Variants in PRKG1 observed in about 807,000 individuals in gnomAD.
The protein encoded by PRKG1 is cGMP-dependent protein kinase 1.
A neutral mutation model predicts 88.1 loss-of-function variants in PRKG1; 35 were observed. The observed-to-expected ratio is 0.40, with a 90% confidence interval of 0.30 to 0.53. PRKG1 has a LOEUF of 0.53. PRKG1 is among the 20% of genes least tolerant of loss of function. PRKG1 has a pLI of 0.59. For synonymous variants in PRKG1, 303 were observed against 292.5 expected, an observed-to-expected ratio of 1.04 and a Z score of -0.37; for missense variants, 540 against 839.8, an observed-to-expected ratio of 0.64 and a Z score of 4.41.
chr10:51,853,847 C>A (rs571736230), intron 4 of PRKG1, among the ~76,000 whole-genome samples: 1 of 152,218 alleles, frequency 6.6e-6, no homozygotes, highest in South Asian at 2.1e-4. Context: ...GTTATCTAAT[C>A]ACACACTGGA....
intron 9 of PRKG1, among the ~76,000 whole-genome samples, chr10:52,174,421 C>T (rs1421213022): frequency 6.6e-6 from 1 of 151,844 alleles, no homozygotes; most frequent in Non-Finnish European, 1.5e-5. Context: ...TATTAATATT[C>T]TCTTCTGCAC....
chr10:52,053,905 A>G (rs1050565832), intron 5 of PRKG1, among the ~76,000 whole-genome samples: 11 of 152,226 alleles, frequency 7.2e-5, no homozygotes, highest in African/African-American at 2.7e-4. Flanking sequence ...CGTCTAACCC[A>G]CAATAAAAAT....
intron 3 of PRKG1, among the ~76,000 whole-genome samples, chr10:51,639,695 A>G (rs1201200748): frequency 6.6e-6 from 1 of 151,148 alleles, no homozygotes; most frequent in Non-Finnish European, 1.5e-5. Flanking sequence ...ACAGATTTAT[A>G]TATAAATTAT....
intron 4 of PRKG1, among the ~76,000 whole-genome samples, chr10:51,899,671 GTATATATATATA>G (rs57320165): frequency 3.3e-5 from 4 of 120,408 alleles, no homozygotes; most frequent in Non-Finnish European, 7.0e-5. Context: ...AAAGAAAAAT[GTATATATATATA>G]TATATATATA....
chr10:52,090,369 C>T (rs1001474353), intron 7 of PRKG1, among the ~76,000 whole-genome samples: 17 of 151,522 alleles, frequency 1.1e-4, no homozygotes, highest in African/African-American at 4.1e-4. Context: ...GATTGCAAAC[C>T]ATATAATAAA....
At chr10:51,054,766 A>G (rs1472581663) in intron 1 of PRKG1, among the ~76,000 whole-genome samples, 1 of 152,136 alleles carries the variant, frequency 6.6e-6, no homozygotes, top group African/African-American at 2.4e-5. Context: ...CTGAGTCTGA[A>G]GCCCACAAGC....
At chr10:51,261,296 G>T (rs1283678258) in intron 2 of PRKG1, among the ~76,000 whole-genome samples, 1 of 152,180 alleles carries the variant, frequency 6.6e-6, no homozygotes, top group East Asian at 1.9e-4. Context: ...TCTAGATTCA[G>T]AGATATTCCT....
chr10:51,179,324 A>G (rs1157663989), intron 2 of PRKG1, among the ~76,000 whole-genome samples: 2 of 152,246 alleles, frequency 1.3e-5, no homozygotes, highest in Non-Finnish European at 2.9e-5. Context: ...GAAGTTTTTA[A>G]AATGGATTAT....
At chr10:51,836,463 G>A (rs1240377659) in intron 4 of PRKG1, among the ~76,000 whole-genome samples, 1 of 152,002 alleles carries the variant, frequency 6.6e-6, no homozygotes, top group Non-Finnish European at 1.5e-5. Context: ...CCGTGTTTTG[G>A]GGTCATATCC....
intron 5 of PRKG1, among the ~76,000 whole-genome samples, chr10:51,970,433 C>A (rs1843681076): frequency 6.6e-6 from 1 of 150,666 alleles, no homozygotes; most frequent in East Asian, 1.9e-4. Flanking sequence ...GAATAGAGCC[C>A]CTATTTTTAT....
chr10:52,161,263 T>G (rs1461609819), intron 8 of PRKG1, among the ~76,000 whole-genome samples: 2 of 152,118 alleles, frequency 1.3e-5, no homozygotes, highest in African/African-American at 4.8e-5. Flanking sequence ...TAGATTGGAT[T>G]TAAGCAGTTA....
chr10:52,169,546 TA>T (rs1344141625), intron 9 of PRKG1, among the ~76,000 whole-genome samples: 1 of 152,052 alleles, frequency 6.6e-6, no homozygotes, highest in Non-Finnish European at 1.5e-5. Context: ...TGAATTTAGG[TA>T]GGAGGCAGTG....
intron 3 of PRKG1, among the ~76,000 whole-genome samples, chr10:51,684,650 T>G (rs1405374851): frequency 6.6e-6 from 1 of 151,852 alleles, no homozygotes; most frequent in Non-Finnish European, 1.5e-5. Context: ...CAACAGATAG[T>G]TTGAGCTAAG....
At chr10:51,645,591 A>G (rs1292717858) in intron 3 of PRKG1, among the ~76,000 whole-genome samples, 2 of 152,202 alleles carry the variant, frequency 1.3e-5, no homozygotes, top group African/African-American at 4.8e-5. Context: ...AGTCTGATTA[A>G]CTGATAATAG....
intron 2 of PRKG1, among the ~76,000 whole-genome samples, chr10:51,351,380 G>A (rs745491035): frequency 2.6e-5 from 4 of 152,142 alleles, no homozygotes; most frequent in Non-Finnish European, 2.9e-5. Context: ...CACCAACAGC[G>A]TAAAAGTGTT....
intron 2 of PRKG1, among the ~76,000 whole-genome samples, chr10:51,271,411 C>T (rs183962011): frequency 1.3e-3 from 200 of 152,066 alleles, no homozygotes; most frequent in African/African-American, 4.6e-3. Context: ...GGTTTGCTTA[C>T]GGAAAATCTC....
intron 3 of PRKG1, among the ~76,000 whole-genome samples, chr10:51,561,884 G>A (rs1387752801): frequency 6.6e-6 from 1 of 151,894 alleles, no homozygotes; most frequent in Non-Finnish European, 1.5e-5. Context: ...TTTTCAAATA[G>A]TGCTACTGGC....
intron 3 of PRKG1, among the ~76,000 whole-genome samples, chr10:51,480,627 T>C (rs1396516040): frequency 6.6e-6 from 1 of 151,964 alleles, no homozygotes; most frequent in Non-Finnish European, 1.5e-5. Context: ...GGTATGACCA[T>C]GGTGAAGCAG....
At chr10:51,939,240 A>G (rs1041056169) in intron 5 of PRKG1, among the ~76,000 whole-genome samples, 4 of 152,062 alleles carry the variant, frequency 2.6e-5, no homozygotes, top group Admixed American at 1.3e-4. Context: ...TATTTAATGT[A>G]ATATTGCTAC....
Sources: allele counts gnomAD v4.1 joint callset (sites outside exome capture counted in the v4.1 genomes callset), GRCh38; gene constraint gnomAD v4.1.1; transcripts MANE v1.5; gene names NCBI Gene and HGNC (gene_info 2026-07-23, HGNC 2026-07-21).